ANK2: variants seen among roughly 807,000 people sequenced by gnomAD.
ANK2 encodes ankyrin 2.
In ANK2, 83 loss-of-function variants were observed where a neutral mutation model predicts 360.5. The ratio of observed to expected loss-of-function variants is 0.23; its 90% CI spans 0.19 to 0.28. The LOEUF (loss-of-function observed/expected upper bound fraction) is 0.28. Ranked by LOEUF, ANK2 falls within the 10% of genes least tolerant of loss-of-function variation. ANK2 has a pLI of 1.00. For missense variants in ANK2, 4,201 were observed against 4,795.7 expected, an observed-to-expected ratio of 0.88 and a Z score of 3.66; for synonymous variants, 1,740 against 1,759.5, an observed-to-expected ratio of 0.99 and a Z score of 0.28.
At chr4:112,958,440 G>A (rs1039151994) in intron 2 of ANK2, among the ~76,000 whole-genome samples, 53 of 152,256 alleles carry the variant, frequency 3.5e-4, no homozygotes, top group African/African-American at 1.1e-3. Flanking sequence ...AAAAAAATAC[G>A]AAAAACAGCC....
At chr4:112,829,789 A>C (rs2059302318) in intron 1 of ANK2, among the ~76,000 whole-genome samples, 1 of 151,874 alleles carries the variant, frequency 6.6e-6, no homozygotes. Flanking sequence ...CCCCGTCTGT[A>C]CTAACAATAG....
At chr4:112,760,808 C>CTTT in the ANK2 span, among the ~76,000 whole-genome samples, 44 of 138,266 alleles carry the variant, frequency 3.2e-4, 1 homozygote, top group African/African-American at 6.9e-4. Flanking sequence ...TCTTCTTCTT[C>CTTT]TTTTTTTTTT....
the ANK2 span, among the ~76,000 whole-genome samples, chr4:112,761,829 A>T: frequency 6.6e-6 from 1 of 151,690 alleles, no homozygotes; most frequent in Admixed American, 6.6e-5. Context: ...TCCTCATGTC[A>T]CTCTATTCTC....
intron 2 of ANK2, among the ~76,000 whole-genome samples, chr4:113,011,451 A>G (rs563972997): frequency 6.6e-6 from 1 of 152,240 alleles, no homozygotes; most frequent in South Asian, 2.1e-4. Context: ...TCTCCTAAGG[A>G]AATGAAGACC....
At chr4:112,730,636 CAAAAAAAAA>C in the ANK2 span, among the ~76,000 whole-genome samples, 1 of 57,944 alleles carries the variant, frequency 1.7e-5, no homozygotes, top group African/African-American at 6.8e-5. Flanking sequence ...GACTCCATCT[CAAAAAAAAA>C]AAAAAAAAAA....
chr4:113,246,643 A>G (rs1040396806), intron 9 of ANK2, among the ~76,000 whole-genome samples: 1 of 152,196 alleles, frequency 6.6e-6, no homozygotes. Flanking sequence ...GCAAACAATA[A>G]AAAGTGTACA....
chr4:113,154,950 C>G (rs1054822445), intron 1 of ANK2, among the ~76,000 whole-genome samples: 37 of 152,216 alleles, frequency 2.4e-4, no homozygotes, highest in African/African-American at 8.2e-4. Context: ...ACCACTTCAT[C>G]TGGCATTGGG....
At chr4:112,935,445 G>A (rs958358618) in intron 2 of ANK2, among the ~76,000 whole-genome samples, 1 of 152,112 alleles carries the variant, frequency 6.6e-6, no homozygotes, top group African/African-American at 2.4e-5. Flanking sequence ...TCTGAGCCAG[G>A]TACTTGCCTT....
At chr4:112,899,940 G>T (rs1334926402) in intron 1 of ANK2, among the ~76,000 whole-genome samples, 2 of 152,182 alleles carry the variant, frequency 1.3e-5, no homozygotes, top group East Asian at 3.9e-4. Context: ...TAGCTATTTT[G>T]GGAGGTCATC....
chr4:113,048,485 G>A (rs1034777056), upstream of ANK2, among the ~76,000 whole-genome samples: 44 of 146,464 alleles, frequency 3.0e-4, no homozygotes, highest in Admixed American at 2.4e-3. Flanking sequence ...ACGTTGGCCA[G>A]GCTGTTGTCG....
At chr4:112,874,837 T>A (rs1001933173) in intron 1 of ANK2, among the ~76,000 whole-genome samples, 7 of 151,998 alleles carry the variant, frequency 4.6e-5, no homozygotes, top group Non-Finnish European at 8.8e-5. Flanking sequence ...AATTAGTAAT[T>A]ATATCGATTG....
intron 41 of ANK2, 51 bp downstream of exon 41, chr4:113,365,233 T>G: frequency 6.7e-7 from 1 of 1,488,290 alleles, no homozygotes; most frequent in Admixed American, 1.9e-5. Context: ...GTGTGTGTGT[T>G]GTGTCTGTGT....
chr4:113,358,596 T>C lies in ANK2; in HGVS notation c.9978T>C (p.Ser3326=). The C allele has an allele frequency of 6.2e-7, 1 of 1,614,058 alleles. No individual in the cohort carries two copies. The change falls in exon 38 of 46, where the codon TCT becomes TCC. Residue 3326 remains serine (S), a synonymous_variant. Transcript: ENST00000357077. Reference sequence around the variant, plus strand: ...CTGCAGAGTATGAGAGTTCAGTTTCTGAAGATTTTCTATCCAGTGTAGATG... The same window carrying C: ...CTGCAGAGTATGAGAGTTCAGTTTCCGAAGATTTTCTATCCAGTGTAGATG... The part of the protein sequence containing the change: ...PPSAEYESSV[S]EDFLSSVDEE...
chr4:112,752,314 G>T, the ANK2 span, among the ~76,000 whole-genome samples: 2 of 152,246 alleles, frequency 1.3e-5, no homozygotes, highest in Non-Finnish European at 2.9e-5. Context: ...CTGGGCTGGG[G>T]CTGAGGAGGA....
the ANK2 span, among the ~76,000 whole-genome samples, chr4:112,729,178 A>G: frequency 6.6e-6 from 1 of 150,804 alleles, no homozygotes; most frequent in African/African-American, 2.4e-5. Context: ...AGCCTGGGTG[A>G]CAAAGGGAGA....
Position 113,159,607 on chromosome 4 carries a change from AT to A in ANK2, c.85-14799del, listed in dbSNP as rs1018818158. Reference sequence around the variant, plus strand: ...TAAAATTATAGTTTCTTATTTCTTTATTTTTTTTTTCTTTTTGTTGAGATGG... The same window carrying A: ...TAAAATTATAGTTTCTTATTTCTTTATTTTTTTTTCTTTTTGTTGAGATGG... On this transcript the variant is annotated intron_variant, in intron 1 of 45. Coordinates refer to ENST00000357077, the MANE Select transcript of ANK2 (RefSeq NM_001148.6). Among the ~76,000 whole-genome samples the A allele has an allele frequency of 2.5e-3, 378 of 148,560 alleles. 2 individuals are homozygous for A. Among genetic ancestry groups the A allele is most frequent in the African/African-American group, 8.9e-3 (361 of 40,542 alleles).
intron 17 of ANK2, among the ~76,000 whole-genome samples, chr4:113,279,481 G>A (rs1432299310): frequency 6.6e-6 from 1 of 151,932 alleles, no homozygotes; most frequent in Admixed American, 6.6e-5. Flanking sequence ...GTTAGAGCTT[G>A]TACCTGTGTT....
chr4:113,063,976 C>T (rs532518713), intron 1 of ANK2, among the ~76,000 whole-genome samples: 5 of 152,116 alleles, frequency 3.3e-5, no homozygotes, highest in South Asian at 2.1e-4. Flanking sequence ...TTTGAGTTGA[C>T]GTAAAACATC....
chr4:113,238,608 G>A (rs2099402034), intron 7 of ANK2, among the ~76,000 whole-genome samples: 1 of 152,146 alleles, frequency 6.6e-6, no homozygotes, highest in Admixed American at 6.5e-5. Context: ...TTTCTTAGAT[G>A]CTTTTTGGTG....
Sources: gnomAD v4.1 joint callset for allele counts (sites outside exome capture counted in the v4.1 genomes callset) on GRCh38, gnomAD v4.1.1 for gene constraint, MANE v1.5 for transcripts, NCBI Gene and HGNC (gene_info 2026-07-23, HGNC 2026-07-21) for gene names.